Variants in FAM13A observed in about 807,000 individuals in gnomAD.
FAM13A encodes the protein family with sequence similarity 13 member A.
A neutral mutation model predicts 129.6 loss-of-function variants in FAM13A; 76 were observed. That is an observed-to-expected ratio of 0.59 (90% CI 0.49 to 0.71). The LOEUF is 0.71. Among genes scored for constraint, FAM13A ranks in the 30% least tolerant of loss-of-function variants. FAM13A has a pLI of 0.00. For missense variants in FAM13A, 1,108 were observed against 1,249.3 expected (o/e 0.89, Z 1.70); for synonymous variants, 443 against 449.9 (o/e 0.98, Z 0.20).
Position 88,747,855 on chromosome 4 carries a change from G to T in FAM13A, c.2162-4C>A. The T allele has an allele frequency of 6.3e-7, 1 of 1,595,286 alleles. No individual in the cohort carries two copies. Among genetic ancestry groups the T allele is most frequent in the Non-Finnish European group, 8.6e-7 (1 of 1,163,920 alleles). On this transcript the variant is annotated splice_region_variant and splice_polypyrimidine_tract_variant and intron_variant, in intron 17 of 23. Transcript: ENST00000264344. ...TCAGATATCTTTAGTTTTGATTCTAGTTGAGAAGATTTGGGGGTAAAGATA... is the reference window on the plus strand; with the variant it reads ...TCAGATATCTTTAGTTTTGATTCTATTTGAGAAGATTTGGGGGTAAAGATA...
intron 3 of FAM13A, among the ~76,000 whole-genome samples, chr4:88,992,514 C>G (rs760353624): frequency 6.6e-6 from 1 of 152,020 alleles, no homozygotes; most frequent in Non-Finnish European, 1.5e-5. Context: ...GAATTACAGG[C>G]GTGACCCACC....
chr4:88,766,219 C>T (rs975349349), intron 13 of FAM13A, among the ~76,000 whole-genome samples: 1 of 152,146 alleles, frequency 6.6e-6, no homozygotes, highest in Non-Finnish European at 1.5e-5. Flanking sequence ...TAGGTGCTTG[C>T]TGTGAGCAGA....
chr4:88,943,295 C>T (rs1246642), intron 4 of FAM13A, among the ~76,000 whole-genome samples: 114,226 of 152,092 alleles, frequency 0.75, 43,162 homozygotes, highest in Non-Finnish European at 0.79. Context: ...TTAGGCTTAT[C>T]TGAGATGTTA....
chr4:88,921,160 A>G (rs1751015298), intron 5 of FAM13A, among the ~76,000 whole-genome samples: 1 of 152,150 alleles, frequency 6.6e-6, no homozygotes, highest in Admixed American at 6.5e-5. Flanking sequence ...TCCCCAATCT[A>G]GCAAGGCAGG....
intron 10 of FAM13A, among the ~76,000 whole-genome samples, chr4:88,783,123 T>C (rs1723266678): frequency 6.6e-6 from 1 of 152,128 alleles, no homozygotes; most frequent in African/African-American, 2.4e-5. Flanking sequence ...TTCTTTGTAT[T>C]ACAAACAATC....
intron 6 of FAM13A, among the ~76,000 whole-genome samples, chr4:88,873,272 C>A (rs1741748453): frequency 6.6e-6 from 1 of 151,892 alleles, no homozygotes; most frequent in Non-Finnish European, 1.5e-5. Context: ...TAGCAGAAGG[C>A]AAGAAATAAC....
chr4:88,734,775 A>G (rs1390207196), intron 21 of FAM13A, among the ~76,000 whole-genome samples: 1 of 152,238 alleles, frequency 6.6e-6, no homozygotes, highest in Non-Finnish European at 1.5e-5. Flanking sequence ...GCTGCACAAC[A>G]GTTACCCAGC....
intron 6 of FAM13A, among the ~76,000 whole-genome samples, chr4:88,871,969 G>C (rs1741489700): frequency 1.3e-5 from 2 of 152,224 alleles, no homozygotes; most frequent in South Asian, 4.1e-4. Flanking sequence ...CTACAAGCCA[G>C]AAGAGAGTGG....
In FAM13A at chr4:88,728,509, G is replaced by A; in HGVS notation, c.*24C>T. 1.9e-6 allele frequency: 3 copies of A among 1,613,532 alleles called. No individual in the cohort carries two copies. Among genetic ancestry groups the A allele is most frequent in the East Asian group, 2.2e-5 (1 of 44,858 alleles). ...CAGTAAACTCTCACCGCAGCTGCCAGCCCCCTGTGCTTGGCCATGCCCCTC... is the reference window on the plus strand; with the variant it reads ...CAGTAAACTCTCACCGCAGCTGCCAACCCCCTGTGCTTGGCCATGCCCCTC... On this transcript the variant is annotated 3_prime_UTR_variant, in exon 24 of 24. Coordinates refer to ENST00000264344, the MANE Select transcript of FAM13A (RefSeq NM_014883.4).
Position 88,991,002 on chromosome 4 carries a change from G to A in FAM13A, c.576C>T (p.Leu192=), listed in dbSNP as rs767181855. 31 of 1,613,940 alleles carry A rather than the reference G, an allele frequency of 1.9e-5. No homozygotes were observed. Among genetic ancestry groups the A allele is most frequent in the Admixed American group, 3.3e-5 (2 of 59,996 alleles). The change falls in exon 4 of 24, where the codon CTC becomes CTT. Residue 192 remains leucine (L), a synonymous_variant. Transcript: ENST00000264344. ...AGCAATTTGGCCCAAATACAGTGGCGAGATTGTGAACATTCATGCGATTCT... is the reference window on the plus strand; with the variant it reads ...AGCAATTTGGCCCAAATACAGTGGCAAGATTGTGAACATTCATGCGATTCT... ...HVQNRMNVHN[L]ATVFGPNCFH...
At chr4:88,847,347 C>T (rs1308776626) in intron 7 of FAM13A, among the ~76,000 whole-genome samples, 3 of 152,112 alleles carry the variant, frequency 2.0e-5, no homozygotes, top group South Asian at 4.1e-4. Context: ...GCTGAGATTG[C>T]ACCACTGCAC....
At chr4:88,921,624 T>C (rs1190901195) in intron 5 of FAM13A, among the ~76,000 whole-genome samples, 1 of 152,064 alleles carries the variant, frequency 6.6e-6, no homozygotes, top group East Asian at 1.9e-4. Context: ...CCTTCGAGAC[T>C]AGGAAGAAAC....
chr4:88,788,455 T>G (rs1724430196), intron 9 of FAM13A, among the ~76,000 whole-genome samples: 1 of 152,116 alleles, frequency 6.6e-6, no homozygotes, highest in South Asian at 2.1e-4. Context: ...ACCAGAACAA[T>G]TAGAACTCAC....
intron 7 of FAM13A, among the ~76,000 whole-genome samples, chr4:88,838,724 C>T (rs952027155): frequency 1.4e-5 from 1 of 73,476 alleles, no homozygotes; most frequent in African/African-American, 7.9e-5. Flanking sequence ...AAGACTCCGT[C>T]TCAAAAAAAA....
intron 22 of FAM13A, 94 bp from the exon 23 acceptor site, chr4:88,731,522 G>T: frequency 1.4e-6 from 1 of 691,464 alleles, no homozygotes; most frequent in South Asian, 2.0e-5. Context: ...GTGCAGAAAG[G>T]GGAGGCAAGT....
At chr4:88,882,028 T>C (rs977185412) in intron 6 of FAM13A, among the ~76,000 whole-genome samples, 7 of 152,258 alleles carry the variant, frequency 4.6e-5, no homozygotes, top group African/African-American at 1.7e-4. Flanking sequence ...CCGAGGAAGA[T>C]GATGAATCTA....
chr4:88,732,206 T>A lies in FAM13A; in HGVS notation c.2647-8A>T, dbSNP rs1382927686. 25 of 1,597,100 alleles carry A rather than the reference T, an allele frequency of 1.6e-5. No individual in the cohort carries two copies. The highest frequency in any genetic ancestry group is 2.0e-5 in the Non-Finnish European group (23 of 1,170,202). On this transcript the variant is annotated splice_polypyrimidine_tract_variant and splice_region_variant and intron_variant, in intron 21 of 23. Coordinates refer to ENST00000264344, the MANE Select transcript of FAM13A (RefSeq NM_014883.4). ...TGACCCCTCCTCTTCTTCCTGGAGATACACAGCAACCCCAATAAAAATCTG... is the reference window on the plus strand; with the variant it reads ...TGACCCCTCCTCTTCTTCCTGGAGAAACACAGCAACCCCAATAAAAATCTG...
chr4:88,750,211 C>T (rs1321075933), intron 15 of FAM13A, among the ~76,000 whole-genome samples: 16 of 152,010 alleles, frequency 1.1e-4, no homozygotes, highest in African/African-American at 2.9e-4. Flanking sequence ...GGAAAGGAGA[C>T]GCTAAGAAAA....
Position 88,991,022 on chromosome 4 carries a change from G to C in FAM13A, c.556C>G (p.Arg186Gly), listed in dbSNP as rs114837111. The change falls in exon 4 of 24, where the codon CGC (arginine) becomes GGC (glycine). Residue 186 changes from arginine (R) to glycine (G), a missense_variant. Around this residue, in one of 3 missense-constraint regions of FAM13A, gnomAD observed 566 missense variants for 595.7 expected, o/e 0.95. Coordinates refer to ENST00000264344, the MANE Select transcript of FAM13A (RefSeq NM_014883.4). ...GTGGCGAGATTGTGAACATTCATGC[G>C]ATTCTGCACATGATGCTTGGCTACT... ...TKVAKHHVQNRMNVHNLATVF... is the reference protein window; with the variant it reads ...TKVAKHHVQNGMNVHNLATVF... The C allele has an allele frequency of 6.2e-7, 1 of 1,614,012 alleles. No homozygotes were observed. Among genetic ancestry groups the C allele is most frequent in the Non-Finnish European group, 8.5e-7 (1 of 1,180,026 alleles).
Sources: allele counts gnomAD v4.1 joint callset (sites outside exome capture counted in the v4.1 genomes callset), GRCh38; gene constraint gnomAD v4.1.1; regional missense constraint gnomAD v4.1.1; transcripts MANE v1.5; gene names NCBI Gene and HGNC (gene_info 2026-07-23, HGNC 2026-07-21).